SP3: variants seen among roughly 807,000 people sequenced by gnomAD.
SP3 encodes the protein transcription factor Sp3.
SP3 carries 10 observed loss-of-function variants against 70.3 expected under a neutral mutation model. That is an observed-to-expected ratio of 0.14 (90% CI 0.09 to 0.24). The LOEUF (loss-of-function observed/expected upper bound fraction) is 0.24. Among genes scored for constraint, SP3 ranks in the 10% least tolerant of loss-of-function variants. The pLI, the probability that SP3 is intolerant of heterozygous loss-of-function variation, is 1.00. For synonymous variants in SP3, 402 were observed against 333.5 expected (o/e 1.21, Z -2.24); for missense variants, 825 against 914.6 (o/e 0.90, Z 1.26).
chr2:173,919,061 G>A (rs868738204), intron 4 of SP3, among the ~76,000 whole-genome samples: 10 of 152,044 alleles, frequency 6.6e-5, no homozygotes, highest in East Asian at 3.9e-4. Context: ...CAAAGTTCTC[G>A]GAAAATACAA....
At chr2:173,964,130 G>A (rs1165420732) in intron 2 of SP3, 4 of 362,430 alleles carry the variant, frequency 1.1e-5, no homozygotes, top group South Asian at 1.1e-4. Context: ...CTGCGCGCCG[G>A]GCCTCCGCCT....
At chr2:173,911,607 T>C (rs183589711) in intron 6 of SP3, among the ~76,000 whole-genome samples, 1 of 152,278 alleles carries the variant, frequency 6.6e-6, no homozygotes, top group Non-Finnish European at 1.5e-5. Flanking sequence ...TGGCCCACTA[T>C]TTCCTACACT....
intron 4 of SP3, among the ~76,000 whole-genome samples, chr2:173,947,629 G>C (rs1024350987): frequency 3.9e-5 from 6 of 151,918 alleles, no homozygotes; most frequent in Non-Finnish European, 8.8e-5. Context: ...ACTGACAATT[G>C]CAAGCATACT....
chr2:173,902,937 G>A lies in SP3; in HGVS notation c.*7004C>T, dbSNP rs375005899. ...TCCTTTCTAAAAGAAAAAATATATA[G>A]GTAAAAATAAGACTATAAAAGTTGG... On this transcript the variant is annotated 3_prime_UTR_variant, in exon 7 of 7. Coordinates refer to ENST00000310015, the MANE Select transcript of SP3 (RefSeq NM_003111.5). Among the ~76,000 whole-genome samples the A allele has an allele frequency of 2.8e-4, 43 of 152,140 alleles. No homozygotes were observed. The East Asian group carries it at 8.1e-3, about 29-fold the overall frequency.
intron 4 of SP3, among the ~76,000 whole-genome samples, chr2:173,921,844 T>C (rs1311441097): frequency 1.3e-5 from 2 of 152,196 alleles, no homozygotes; most frequent in East Asian, 3.8e-4. Context: ...ACCACTGTCT[T>C]GGCACTGTCC....
At chr2:173,959,655 G>C (rs1278387767) in intron 3 of SP3, among the ~76,000 whole-genome samples, 1 of 152,174 alleles carries the variant, frequency 6.6e-6, no homozygotes, top group Admixed American at 6.5e-5. Context: ...TCTGGGGGCT[G>C]AGGCGGAAGA....
chr2:173,958,706 G>GA (rs1292908113), intron 3 of SP3, among the ~76,000 whole-genome samples: 2 of 150,326 alleles, frequency 1.3e-5, no homozygotes, highest in African/African-American at 2.4e-5. Context: ...AAATGGAATG[G>GA]AAAAAACACA....
At chr2:173,953,122 T>C (rs1441285812) in intron 4 of SP3, among the ~76,000 whole-genome samples, 2 of 152,262 alleles carry the variant, frequency 1.3e-5, no homozygotes, top group African/African-American at 4.8e-5. Flanking sequence ...TATCTTTTCT[T>C]ACTGGTTCAT....
chr2:173,965,288 C>G lies in SP3; in HGVS notation c.-117G>C. The G allele has an allele frequency of 8.0e-7, 1 of 1,246,702 alleles. No individual in the cohort carries two copies. Among genetic ancestry groups the G allele is most frequent in the South Asian group, 1.3e-5 (1 of 75,192 alleles). The allele number at this position is 1,246,702 out of a possible 1,614,324, so 77.2% of individuals were successfully genotyped here. A position where few individuals can be genotyped will look rare whatever the true frequency, so the allele number is the denominator to read the frequency against. ...GGCGGCGGACACGGCCGGAGCGGTC[C>G]GGGGATTTTTTTTTCCTATTTTGAT... On this transcript the variant is annotated 5_prime_UTR_variant, in exon 1 of 7. Transcript: ENST00000310015.
At chr2:173,956,902 A>AGG (rs1690912894) in intron 3 of SP3, among the ~76,000 whole-genome samples, 1 of 152,192 alleles carries the variant, frequency 6.6e-6, no homozygotes, top group Non-Finnish European at 1.5e-5. Context: ...TTTACTTACT[A>AGG]GTCTAAGTTT....
chr2:173,905,447 T>C lies in SP3; in HGVS notation c.*4494A>G, dbSNP rs1243597030. ...CTACCAATATCACACATCTAGTAAG[T>C]AGCTTAGCATAGATTCAGAAGCAAG... On this transcript the variant is annotated 3_prime_UTR_variant, in exon 7 of 7. Coordinates refer to ENST00000310015, the MANE Select transcript of SP3 (RefSeq NM_003111.5). 6.6e-6 allele frequency among the ~76,000 whole-genome samples: 1 copy of C among 152,142 alleles called. No homozygotes were observed. The highest frequency in any genetic ancestry group is 2.4e-5 in the African/African-American group (1 of 41,418).
Position 173,903,986 on chromosome 2 carries a change from T to C in SP3, c.*5955A>G, listed in dbSNP as rs1160249396. Among the ~76,000 whole-genome samples the C allele has an allele frequency of 7.3e-5, 6 of 82,688 alleles. No homozygotes were observed. The highest frequency in any genetic ancestry group is 1.4e-4 in the Non-Finnish European group (6 of 42,942). 54.2% of individuals were successfully genotyped at this position (82,688 alleles called of 152,430 possible). ...AGTTTTGAGGAAGACAATTTTTTCATGGATGGGGGTCGGGGGGTGGGGATG... is the reference window on the plus strand; with the variant it reads ...AGTTTTGAGGAAGACAATTTTTTCACGGATGGGGGTCGGGGGGTGGGGATG... On this transcript the variant is annotated 3_prime_UTR_variant, in exon 7 of 7. Transcript: ENST00000310015.
rs1289117628 is a variant in SP3, at chr2:173,954,963, G to T, written c.1549C>A (p.Gln517Lys). ...TSTPVSLSTGQLPNLQTVTVN... is the reference protein window; with the variant it reads ...TSTPVSLSTGKLPNLQTVTVN... ...GTAACTGTTTGTAGATTTGGCAACT[G>T]ACCAGTGCTTAGACTAACTGGAGTT... The change falls in exon 4 of 7, where the codon CAG becomes AAG. Residue 517 changes from glutamine (Q) to lysine (K), a missense_variant. Gln to Lys is a moderately conservative substitution (Grantham distance 53). This residue lies in a region of SP3 where 678 missense variants were observed against 651.6 expected (regional missense o/e 1.04). Transcript: ENST00000310015. 1 of 1,614,102 alleles carries T rather than the reference G, an allele frequency of 6.2e-7. No individual in the cohort carries two copies. Among genetic ancestry groups the T allele is most frequent in the South Asian group, 1.1e-5 (1 of 91,046 alleles).
At chr2:173,943,414 A>G (rs1690435735) in intron 4 of SP3, among the ~76,000 whole-genome samples, 1 of 152,176 alleles carries the variant, frequency 6.6e-6, no homozygotes, top group African/African-American at 2.4e-5. Context: ...TCATTTTCTC[A>G]TAAGGCGGGA....
intron 4 of SP3, among the ~76,000 whole-genome samples, chr2:173,933,330 C>A (rs1411770044): frequency 6.6e-6 from 1 of 152,068 alleles, no homozygotes; most frequent in Non-Finnish European, 1.5e-5. Context: ...AGTCTAGCCA[C>A]ATTTCGAGTG....
chr2:173,951,951 C>G (rs1690721236), intron 4 of SP3, among the ~76,000 whole-genome samples: 1 of 152,152 alleles, frequency 6.6e-6, no homozygotes, highest in Non-Finnish European at 1.5e-5. Context: ...GTATCACTAT[C>G]CATCTCATCA....
chr2:173,921,559 AAAC>A (rs1689755385), intron 4 of SP3, among the ~76,000 whole-genome samples: 1 of 151,750 alleles, frequency 6.6e-6, no homozygotes, highest in African/African-American at 2.4e-5. Context: ...ACAAACAAAC[AAAC>A]AGGCCAGGCA....
At chr2:173,924,626 CAA>C (rs1559094565) in intron 4 of SP3, among the ~76,000 whole-genome samples, 1 of 152,086 alleles carries the variant, frequency 6.6e-6, no homozygotes, top group Admixed American at 6.5e-5. Context: ...GATGAGAAAA[CAA>C]AGAGGTTATG....
At chr2:173,920,380 T>A (rs915318496) in intron 4 of SP3, among the ~76,000 whole-genome samples, 1 of 152,098 alleles carries the variant, frequency 6.6e-6, no homozygotes, top group African/African-American at 2.4e-5. Context: ...TTGTTCAAAC[T>A]TACAGAATGT....
Sources: gnomAD v4.1 joint callset for allele counts (sites outside exome capture counted in the v4.1 genomes callset) on GRCh38, gnomAD v4.1.1 for gene constraint, gnomAD v4.1.1 regional missense constraint, MANE v1.5 for transcripts, NCBI Gene and HGNC (gene_info 2026-07-23, HGNC 2026-07-21) for gene names.